ORAI2: variants seen among roughly 807,000 people sequenced by gnomAD.
The protein encoded by ORAI2 is ORAI calcium release-activated calcium modulator 2, also known as protein orai-2.
In ORAI2, 10 loss-of-function variants were observed where a neutral mutation model predicts 16.2. The observed-to-expected ratio is 0.62, with a 90% CI of 0.38 to 1.04. ORAI2 has a LOEUF of 1.04. Ranked by LOEUF, ORAI2 falls within the 50% of genes least tolerant of loss-of-function variation. The probability of loss-of-function intolerance (pLI) is 0.01; values close to 1 mark genes in which losing one functional copy is unlikely to be tolerated. For missense variants in ORAI2, 238 were observed against 355.5 expected (o/e 0.67, Z 2.66); for synonymous variants, 150 against 157.5 (o/e 0.95, Z 0.35).
chr7:102,437,905 A>G (rs1312500998), intron 2 of ORAI2, among the ~76,000 whole-genome samples: 1 of 151,950 alleles, frequency 6.6e-6, no homozygotes, highest in Non-Finnish European at 1.5e-5. Context: ...TTAAAACATT[A>G]GCAGGCATGG....
Position 102,447,150 on chromosome 7 carries a change from T to A in ORAI2, c.*98T>A, listed in dbSNP as rs1797393740. 2 of 1,321,664 alleles carry A rather than the reference T, an allele frequency of 1.5e-6. No individual in the cohort carries two copies. The highest frequency in any genetic ancestry group is 5.7e-5 in the Admixed American group (2 of 35,166). The allele number at this position is 1,321,664 out of a possible 1,614,324, so 81.9% of individuals were successfully genotyped here. On this transcript the variant is annotated 3_prime_UTR_variant, in exon 4 of 4. Coordinates refer to ENST00000495936, the MANE Select transcript of ORAI2 (RefSeq NM_001126340.3). ...ACATTTTGCAAGGCTGCCGGGTAGT[T>A]CAAGACCAAAGTTTTCCTCTTGTCT...
rs1797446359 is a variant in ORAI2, at chr7:102,448,806, C to G, written c.*1754C>G. The G allele has an allele frequency of 6.6e-6, 1 of 152,010 alleles. No homozygotes were observed. The highest frequency in any genetic ancestry group is 2.1e-4 in the South Asian group (1 of 4,832). The allele number at this position is 152,010 out of a possible 1,614,324, so 9.4% of individuals were successfully genotyped here. ...CTGAGGCAAGAGAATCACTTGAACCCAGGAGGCAGAGGTTGCAGTGAGCTG... is the reference window on the plus strand; with the variant it reads ...CTGAGGCAAGAGAATCACTTGAACCGAGGAGGCAGAGGTTGCAGTGAGCTG... On this transcript the variant is annotated 3_prime_UTR_variant, in exon 4 of 4. Coordinates refer to ENST00000495936, the MANE Select transcript of ORAI2 (RefSeq NM_001126340.3).
rs887461202 is a variant in ORAI2 at position 102,452,433 on chromosome 7, T to A, written c.*5381T>A. 2 of 146,352 alleles carry A rather than the reference T, an allele frequency of 1.4e-5. No individual in the cohort carries two copies. The highest frequency in any genetic ancestry group is 5.1e-5 in the African/African-American group (2 of 39,110). 9.1% of individuals were successfully genotyped at this position (146,352 alleles called of 1,614,324 possible). A position where few individuals can be genotyped will look rare whatever the true frequency, so the allele number is the denominator to read the frequency against. ...TGTGAGCCAGCTTGCCCAGCTTATG[T>A]TTATAGATTTATTTTAGAGACAGGG... is the stretch of plus-strand genomic sequence containing the variant. On this transcript the variant is annotated 3_prime_UTR_variant, in exon 4 of 4. Transcript: ENST00000495936.
chr7:102,437,561 G>A (rs1299776070), intron 2 of ORAI2, among the ~76,000 whole-genome samples: 1 of 152,220 alleles, frequency 6.6e-6, no homozygotes, highest in African/African-American at 2.4e-5. Flanking sequence ...GTTGCAGTGA[G>A]CCGAAATTGC....
intron 3 of ORAI2, 61 bp from the exon 4 acceptor site, chr7:102,446,452 C>T: frequency 6.6e-7 from 1 of 1,514,388 alleles, no homozygotes; most frequent in East Asian, 2.3e-5. Context: ...GGCAGGTGGC[C>T]CTGGTGGGGC....
rs935347948 is a variant in ORAI2 at position 102,449,241 on chromosome 7, C to G, written c.*2189C>G. Reference sequence around the variant, plus strand: ...CTGCAGCCTGTAGAAACGCCTCTTACGGTTTAATATGTGTTCGCTTTGCTA... The same window carrying G: ...CTGCAGCCTGTAGAAACGCCTCTTAGGGTTTAATATGTGTTCGCTTTGCTA... On this transcript the variant is annotated 3_prime_UTR_variant, in exon 4 of 4. Coordinates refer to ENST00000495936, the MANE Select transcript of ORAI2 (RefSeq NM_001126340.3). 1 of 151,980 alleles carries G rather than the reference C, an allele frequency of 6.6e-6. No individual in the cohort carries two copies. Among genetic ancestry groups the G allele is most frequent in the Non-Finnish European group, 1.5e-5 (1 of 67,918 alleles). The allele number at this position is 151,980 out of a possible 1,614,324, so 9.4% of individuals were successfully genotyped here. A position where few individuals can be genotyped will look rare whatever the true frequency, so the allele number is the denominator to read the frequency against.
chr7:102,440,357 C>G (rs1390435908), intron 3 of ORAI2, among the ~76,000 whole-genome samples: 2 of 152,100 alleles, frequency 1.3e-5, no homozygotes. Context: ...TGAGTCATCC[C>G]CTAGGACAAG....
At chr7:102,442,486 A>G (rs543152039) in intron 3 of ORAI2, among the ~76,000 whole-genome samples, 1 of 152,240 alleles carries the variant, frequency 6.6e-6, no homozygotes, top group East Asian at 1.9e-4. Context: ...CAGGAAATGG[A>G]GACCATCCTG....
rs539087247 is a variant in ORAI2, at chr7:102,436,497, A to G, written c.-14+164A>G. ...TAATTTCCAAATTGGGGCATTTTCA[A>G]TTATGGGGGGCTCGACTCTGGCATG... On this transcript the variant is annotated intron_variant, in intron 2 of 3. Coordinates refer to ENST00000495936, the MANE Select transcript of ORAI2 (RefSeq NM_001126340.3). 2.3e-4 allele frequency among the ~76,000 whole-genome samples: 35 copies of G among 151,994 alleles called. 1 individual carries two copies. Among genetic ancestry groups the G allele is most frequent in the Admixed American group, 1.8e-3 (27 of 15,230 alleles).
chr7:102,444,666 T>TTC lies in ORAI2; in HGVS notation c.226-1846_226-1845insCT, dbSNP rs1554576572. Among the ~76,000 whole-genome samples the TTC allele has an allele frequency of 9.9e-4, 15 of 15,106 alleles. No individual in the cohort carries two copies. In the East Asian group the frequency reaches 0.027, roughly 27 times the overall value. 9.9% of individuals were successfully genotyped at this position (15,106 alleles called of 152,430 possible). On this transcript the variant is annotated intron_variant, in intron 3 of 3. Transcript: ENST00000495936. ...AGAAGAACCTTCCCCAGGCTTCTTC[T>TTC]TTTTTTTTTTTTTTTTTGAGACAAA...
chr7:102,440,637 C>T (rs1206603717), intron 3 of ORAI2, among the ~76,000 whole-genome samples: 1 of 151,824 alleles, frequency 6.6e-6, no homozygotes, highest in African/African-American at 2.4e-5. Context: ...TGAGCTCAAG[C>T]CATCCTCCTG....
In ORAI2 at chr7:102,447,843, C is replaced by T. The variant is rs1428664355; in HGVS notation, c.*791C>T. 2 of 152,318 alleles carry T rather than the reference C, an allele frequency of 1.3e-5. No homozygotes were observed. Among genetic ancestry groups the T allele is most frequent in the African/African-American group, 4.8e-5 (2 of 41,468 alleles). 9.4% of individuals were successfully genotyped at this position (152,318 alleles called of 1,614,324 possible). ...TCTCTTTTCCCAGCCAGAGCCCTGG[C>T]CACACGGACTCAGAGGGGCCACCGG... is the stretch of plus-strand genomic sequence containing the variant. On this transcript the variant is annotated 3_prime_UTR_variant, in exon 4 of 4. Transcript: ENST00000495936.
At chr7:102,444,960 C>A (rs1217216315) in intron 3 of ORAI2, among the ~76,000 whole-genome samples, 1 of 152,098 alleles carries the variant, frequency 6.6e-6, no homozygotes, top group African/African-American at 2.4e-5. Flanking sequence ...AGCCACCGCG[C>A]CTGGCTGACC....
At chr7:102,444,668 T>C (rs942034654) in intron 3 of ORAI2, among the ~76,000 whole-genome samples, 4 of 145,388 alleles carry the variant, frequency 2.8e-5, no homozygotes, top group South Asian at 2.2e-4. Flanking sequence ...GCTTCTTCTT[T>C]TTTTTTTTTT....
intron 3 of ORAI2, among the ~76,000 whole-genome samples, chr7:102,442,545 T>C (rs979523368): frequency 1.3e-5 from 2 of 151,224 alleles, no homozygotes; most frequent in Admixed American, 1.3e-4. Context: ...AGATCAGCCA[T>C]GCGTGGTGGC....
Position 102,447,384 on chromosome 7 carries a change from G to A in ORAI2, c.*332G>A, listed in dbSNP as rs564982140. ...TCCAAGCAGCACCCAGCGGTCCGGG[G>A]GAGTCTCAGACCCGGCATGCGTGGC... On this transcript the variant is annotated 3_prime_UTR_variant, in exon 4 of 4. Transcript: ENST00000495936. 19 of 300,250 alleles carry A rather than the reference G, an allele frequency of 6.3e-5. No individual in the cohort carries two copies. The highest frequency in any genetic ancestry group is 1.2e-4 in the Non-Finnish European group (19 of 161,020). 18.6% of individuals were successfully genotyped at this position (300,250 alleles called of 1,614,324 possible).
intron 3 of ORAI2, among the ~76,000 whole-genome samples, chr7:102,445,131 C>T (rs1252684091): frequency 6.6e-6 from 1 of 152,268 alleles, no homozygotes; most frequent in African/African-American, 2.4e-5. Flanking sequence ...GCCTCACTTC[C>T]GTCACCTTTC....
chr7:102,444,275 C>A (rs904897132), intron 3 of ORAI2, among the ~76,000 whole-genome samples: 2 of 150,634 alleles, frequency 1.3e-5, no homozygotes, highest in Admixed American at 6.6e-5. Context: ...TTTTTTGTGG[C>A]AGGGTCTCAC....
chr7:102,443,131 C>CTTCTTCTTT (rs1222395216), intron 3 of ORAI2, among the ~76,000 whole-genome samples: 1 of 25,650 alleles, frequency 3.9e-5, no homozygotes, highest in African/African-American at 8.1e-5. Context: ...TCTTCTTCTT[C>CTTCTTCTTT]TTTTTTTTTT....
Sources: allele counts gnomAD v4.1 joint callset (sites outside exome capture counted in the v4.1 genomes callset), GRCh38; gene constraint gnomAD v4.1.1; transcripts MANE v1.5; gene names NCBI Gene and HGNC (gene_info 2026-07-23, HGNC 2026-07-21).